Variants in INPP5A observed in about 807,000 individuals in gnomAD.
INPP5A encodes the protein inositol polyphosphate-5-phosphatase A.
Under a neutral mutation model 65.2 loss-of-function variants are expected in INPP5A, and 14 were observed. That is an observed-to-expected ratio of 0.21 (90% CI 0.14 to 0.34). The LOEUF is 0.34. Ranked by LOEUF, INPP5A falls within the 10% of genes least tolerant of loss-of-function variation. The pLI is 1.00. For missense variants in INPP5A, 431 were observed against 545.6 expected (o/e 0.79, Z 2.09); for synonymous variants, 207 against 208.3 (o/e 0.99, Z 0.05).
At chr10:132,769,804 C>CG (rs1846917385) in intron 12 of INPP5A, among the ~76,000 whole-genome samples, 1 of 142,184 alleles carries the variant, frequency 7.0e-6, no homozygotes, top group African/African-American at 2.5e-5. Context: ...CGTAGCTCCC[C>CG]CCCCCCAAGT....
intron 8 of INPP5A, among the ~76,000 whole-genome samples, chr10:132,717,866 T>A (rs1845771368): frequency 1.4e-5 from 2 of 140,744 alleles, no homozygotes; most frequent in African/African-American, 2.9e-5. Flanking sequence ...GGTACCTGGG[T>A]TCTGTCTGGG....
intron 5 of INPP5A, among the ~76,000 whole-genome samples, chr10:132,695,933 ACCT>A (rs1011458306): frequency 6.6e-6 from 1 of 151,946 alleles, no homozygotes; most frequent in African/African-American, 2.4e-5. Context: ...TCATCTGCTG[ACCT>A]CCTAACCCCT....
intron 4 of INPP5A, among the ~76,000 whole-genome samples, chr10:132,681,262 C>T (rs912444008): frequency 6.6e-6 from 1 of 152,140 alleles, no homozygotes; most frequent in African/African-American, 2.4e-5. Flanking sequence ...AGCAAGCTGC[C>T]CGAGCCAGCA....
chr10:132,594,272 A>G (rs2071654939), intron 1 of INPP5A, among the ~76,000 whole-genome samples: 1 of 152,180 alleles, frequency 6.6e-6, no homozygotes, highest in African/African-American at 2.4e-5. Flanking sequence ...ATTTAAGTGA[A>G]CTAAAATTAC....
chr10:132,692,331 A>C (rs1845281643), intron 5 of INPP5A, among the ~76,000 whole-genome samples: 1 of 152,132 alleles, frequency 6.6e-6, no homozygotes, highest in Admixed American at 6.5e-5. Flanking sequence ...TGTAAAGGGA[A>C]CCCCAGTAGG....
At position 132,569,664 on chromosome 10, in the gene INPP5A, T is replaced by G. The variant is rs920050680; in HGVS notation, c.75+31493T>G. ...GAGCCACCTCGCTGGGTCCCCACTG[T>G]TTTTTTTAATTAAATTTTTAGTAGA... is the stretch of plus-strand genomic sequence containing the variant. On this transcript the variant is annotated intron_variant, in intron 1 of 15. Coordinates refer to ENST00000368594, the MANE Select transcript of INPP5A (RefSeq NM_005539.5). Among the ~76,000 whole-genome samples the G allele has an allele frequency of 2.8e-4, 43 of 151,524 alleles. 1 individual carries two copies. The highest frequency in any genetic ancestry group is 5.9e-4 in the Admixed American group (9 of 15,240).
At chr10:132,656,001 C>T (rs2072652797) in intron 4 of INPP5A, among the ~76,000 whole-genome samples, 1 of 152,240 alleles carries the variant, frequency 6.6e-6, no homozygotes, top group South Asian at 2.1e-4. Flanking sequence ...CTGGCGTGGG[C>T]ACCTGCAGCA....
intron 2 of INPP5A, among the ~76,000 whole-genome samples, chr10:132,610,594 G>T (rs529735084): frequency 4.6e-5 from 7 of 152,252 alleles, no homozygotes; most frequent in African/African-American, 1.7e-4. Flanking sequence ...CGCAGGTGTG[G>T]TGGGGAGACC....
intron 8 of INPP5A, among the ~76,000 whole-genome samples, chr10:132,717,077 GCA>G (rs1845753176): frequency 6.6e-6 from 1 of 152,240 alleles, no homozygotes; most frequent in Non-Finnish European, 1.5e-5. Flanking sequence ...GCGGGGCTTT[GCA>G]GCCGACCTTA....
chr10:132,675,930 C>T lies in INPP5A; in HGVS notation c.307-14462C>T, dbSNP rs2072959059. ...CCATAATGCACATAACCAGTTTCTC[C>T]AGAACATGTATACATGAAATGTAAT... On this transcript the variant is annotated intron_variant, in intron 4 of 15. Coordinates refer to ENST00000368594, the MANE Select transcript of INPP5A (RefSeq NM_005539.5). The surrounding 1 kb of genome is among the most constrained non-coding windows in gnomAD (Gnocchi z 4.2). Among the ~76,000 whole-genome samples the T allele has an allele frequency of 6.6e-6, 1 of 152,086 alleles. No homozygotes were observed. Among genetic ancestry groups the T allele is most frequent in the African/African-American group, 2.4e-5 (1 of 41,394 alleles).
intron 3 of INPP5A, among the ~76,000 whole-genome samples, chr10:132,649,592 G>A (rs1486137380): frequency 2.0e-5 from 3 of 152,180 alleles, no homozygotes; most frequent in Non-Finnish European, 4.4e-5. Context: ...TACTGGTGCA[G>A]TTTTATTTTC....
intron 9 of INPP5A, among the ~76,000 whole-genome samples, chr10:132,729,464 C>G (rs1846043977): frequency 1.3e-5 from 2 of 152,220 alleles, no homozygotes; most frequent in Admixed American, 1.3e-4. Flanking sequence ...CCCTGGTGCC[C>G]TGGACCCCGC....
intron 1 of INPP5A, among the ~76,000 whole-genome samples, chr10:132,544,854 C>T (rs1165837107): frequency 6.6e-6 from 1 of 152,158 alleles, no homozygotes; most frequent in Non-Finnish European, 1.5e-5. Flanking sequence ...AACTTTCATC[C>T]CCCGTTTACT....
intron 2 of INPP5A, among the ~76,000 whole-genome samples, chr10:132,630,325 G>T (rs1007389630): frequency 1.3e-5 from 2 of 150,978 alleles, no homozygotes; most frequent in Non-Finnish European, 2.9e-5. Context: ...TGAGGGGAGG[G>T]TGTCCTCTAG....
Position 132,651,664 on chromosome 10 carries a change from G to A in INPP5A, c.306+1159G>A, listed in dbSNP as rs1393865556. Among the ~76,000 whole-genome samples, 1 of 152,318 alleles carries A rather than the reference G, an allele frequency of 6.6e-6. No individual in the cohort carries two copies. Among genetic ancestry groups the A allele is most frequent in the East Asian group, 1.9e-4 (1 of 5,178 alleles). On this transcript the variant is annotated intron_variant, in intron 4 of 15. Transcript: ENST00000368594. The surrounding 1 kb of genome is among the most constrained non-coding windows in gnomAD (Gnocchi z 5.0). ...TCTCCCAGGTGGGCCCCCGTAGGCT[G>A]CAGTGCTGAGGGTCTCGCTCTCCAG... is the stretch of plus-strand genomic sequence containing the variant.
intron 4 of INPP5A, among the ~76,000 whole-genome samples, chr10:132,654,345 TAGG>T (rs919648292): frequency 6.6e-6 from 1 of 152,208 alleles, no homozygotes; most frequent in Non-Finnish European, 1.5e-5. Context: ...GCCTGGCAGG[TAGG>T]AGGGTCCAGG....
In INPP5A at chr10:132,781,910, C is replaced by T; in HGVS notation, c.1208C>T (p.Ala403Val). 1 of 1,613,832 alleles carries T rather than the reference C, an allele frequency of 6.2e-7. No homozygotes were observed. The highest frequency in any genetic ancestry group is 8.5e-7 in the Non-Finnish European group (1 of 1,179,966). The change falls in exon 15 of 16, where the codon GCC becomes GTC. Residue 403 changes from alanine to valine, a missense_variant. Transcript: ENST00000368594. ...RIMPGAGKPHAHVHKCCVVQ is the reference protein window; with the variant it reads ...RIMPGAGKPHVHVHKCCVVQ ...ATGCCCGGGGCAGGTAAACCTCATG[C>T]CCATGTGCACAAGTGTTGTGTCGTG...
chr10:132,756,623 G>A lies in INPP5A; in HGVS notation c.903+6778G>A, dbSNP rs374897262. ...GAGAGTCTGGCACACTCAGGGATGCGCAGTGTGTCGTACTTCAGAGCAACA... is the reference window on the plus strand; with the variant it reads ...GAGAGTCTGGCACACTCAGGGATGCACAGTGTGTCGTACTTCAGAGCAACA... On this transcript the variant is annotated intron_variant, in intron 11 of 15. Transcript: ENST00000368594. Among the ~76,000 whole-genome samples the A allele has an allele frequency of 6.6e-5, 10 of 152,332 alleles. No individual in the cohort carries two copies. In the South Asian group the frequency reaches 1.9e-3, roughly 28 times the overall value.
chr10:132,694,468 A>G (rs1564968230), intron 5 of INPP5A, among the ~76,000 whole-genome samples: 2 of 152,178 alleles, frequency 1.3e-5, no homozygotes, highest in African/African-American at 2.4e-5. Context: ...GCTAAAATCA[A>G]TTATCTAAGC....
Sources: gnomAD v4.1 joint callset for allele counts (sites outside exome capture counted in the v4.1 genomes callset) on GRCh38, gnomAD v4.1.1 for gene constraint, Gnocchi (gnomAD v3.1) non-coding constraint, MANE v1.5 for transcripts, NCBI Gene and HGNC (gene_info 2026-07-23, HGNC 2026-07-21) for gene names.